DLG2: variants seen among roughly 807,000 people sequenced by gnomAD.
DLG2 encodes disks large homolog 2.
In DLG2, 45 loss-of-function variants were observed where a neutral mutation model predicts 132.5. The ratio of observed to expected loss-of-function variants is 0.34; its 90% CI spans 0.27 to 0.44. The LOEUF is 0.44. Ranked by LOEUF, DLG2 falls within the 20% of genes least tolerant of loss-of-function variation. The pLI, the probability that DLG2 is intolerant of heterozygous loss-of-function variation, is 1.00. For missense variants in DLG2, 1,045 were observed against 1,196.9 expected (o/e 0.87, Z 1.87); for synonymous variants, 424 against 419.6 (o/e 1.01, Z -0.13).
intron 18 of DLG2, among the ~76,000 whole-genome samples, chr11:83,641,849 C>G (rs2066596841): frequency 6.9e-6 from 1 of 145,874 alleles, no homozygotes; most frequent in African/African-American, 2.6e-5. Flanking sequence ...GCTTACAAAT[C>G]CAAGAGAGAG....
At chr11:84,656,612 C>T (rs1363147183) in intron 6 of DLG2, among the ~76,000 whole-genome samples, 4 of 152,086 alleles carry the variant, frequency 2.6e-5, no homozygotes, top group Non-Finnish European at 4.4e-5. Flanking sequence ...GTCCCATTTC[C>T]TTAATTGTGA....
At chr11:85,554,352 A>G (rs1175776736) in intron 3 of DLG2, among the ~76,000 whole-genome samples, 1 of 151,932 alleles carries the variant, frequency 6.6e-6, no homozygotes, top group East Asian at 1.9e-4. Flanking sequence ...AGAAGATAAT[A>G]TTATGAACTA....
chr11:84,993,725 A>G (rs2057368816), intron 6 of DLG2, among the ~76,000 whole-genome samples: 1 of 152,160 alleles, frequency 6.6e-6, no homozygotes, highest in Non-Finnish European at 1.5e-5. Context: ...AACTTTTGTT[A>G]ATTAGTCTTA....
chr11:83,480,458 G>C, intron 22 of DLG2: 1 of 1,523,646 alleles, frequency 6.6e-7, no homozygotes, highest in Non-Finnish European at 8.8e-7. Flanking sequence ...AAGCATTGAA[G>C]AGCAGCCAGA....
intron 7 of DLG2, among the ~76,000 whole-genome samples, chr11:84,508,484 C>T (rs2099248422): frequency 6.6e-6 from 1 of 150,812 alleles, no homozygotes; most frequent in South Asian, 2.1e-4. Context: ...CTCACTGCAA[C>T]CTCCGTCTCC....
At chr11:85,053,950 C>T (rs1280466431) in intron 6 of DLG2, among the ~76,000 whole-genome samples, 1 of 151,788 alleles carries the variant, frequency 6.6e-6, no homozygotes, top group Non-Finnish European at 1.5e-5. Context: ...TGAAAAAATT[C>T]TCTACATCAG....
chr11:84,073,631 T>C (rs970477314), intron 10 of DLG2, among the ~76,000 whole-genome samples: 4 of 152,306 alleles, frequency 2.6e-5, no homozygotes, highest in East Asian at 3.9e-4. Flanking sequence ...ACAAAGCTAG[T>C]TCTACTTAAG....
intron 9 of DLG2, among the ~76,000 whole-genome samples, chr11:84,135,540 T>G (rs561239559): frequency 6.6e-6 from 1 of 152,114 alleles, no homozygotes; most frequent in African/African-American, 2.4e-5. Context: ...GGACATAATA[T>G]CAAGTTCACA....
intron 6 of DLG2, among the ~76,000 whole-genome samples, chr11:84,842,112 A>G (rs925199030): frequency 6.6e-6 from 1 of 151,990 alleles, no homozygotes; most frequent in Non-Finnish European, 1.5e-5. Flanking sequence ...TCCTTTACCT[A>G]TCAATCTTGC....
chr11:83,844,211 T>C (rs991520516), intron 16 of DLG2, among the ~76,000 whole-genome samples: 1 of 151,964 alleles, frequency 6.6e-6, no homozygotes, highest in Non-Finnish European at 1.5e-5. Context: ...ATATCCAGGA[T>C]ACATATCTAT....
At chr11:85,510,252 C>T (rs1048727222) in intron 3 of DLG2, among the ~76,000 whole-genome samples, 2 of 151,952 alleles carry the variant, frequency 1.3e-5, no homozygotes, top group East Asian at 1.9e-4. Flanking sequence ...AGGCAGAAGT[C>T]ATACCAGGAA....
Position 84,955,030 on chromosome 11 carries a change from G to A in DLG2, c.357+156631C>T, listed in dbSNP as rs1445123479. On this transcript the variant is annotated intron_variant, in intron 6 of 27. Coordinates refer to ENST00000376104, the MANE Select transcript of DLG2 (RefSeq NM_001142699.3). The stretch of plus-strand genomic sequence containing the variant: ...CCCTTGAAGCATGACAACAATCACA[G>A]ATAATATGTAAATGATACAAATTAC... Among the ~76,000 whole-genome samples the A allele has an allele frequency of 4.6e-5, 7 of 152,106 alleles. No homozygotes were observed. The East Asian group carries it at 1.3e-3, about 29-fold the overall frequency.
chr11:83,946,775 G>A (rs954155866), intron 14 of DLG2, among the ~76,000 whole-genome samples: 1 of 152,032 alleles, frequency 6.6e-6, no homozygotes. Context: ...AAAAATTTTT[G>A]TTAGCAGAAT....
At chr11:85,026,563 C>A (rs372091201) in intron 6 of DLG2, among the ~76,000 whole-genome samples, 1 of 152,032 alleles carries the variant, frequency 6.6e-6, no homozygotes. Context: ...TTCGGCCGGG[C>A]GCGGTAGCTC....
At chr11:84,487,910 C>T (rs1383429530) in intron 7 of DLG2, among the ~76,000 whole-genome samples, 3 of 152,074 alleles carry the variant, frequency 2.0e-5, no homozygotes, top group Non-Finnish European at 4.4e-5. Flanking sequence ...AAGGAAAAAG[C>T]ACCTAATGTA....
At chr11:84,242,794 C>T (rs2097249716) in intron 8 of DLG2, among the ~76,000 whole-genome samples, 1 of 152,098 alleles carries the variant, frequency 6.6e-6, no homozygotes, top group South Asian at 2.1e-4. Flanking sequence ...CATTTGCCTC[C>T]ATGTGTATCA....
intron 16 of DLG2, among the ~76,000 whole-genome samples, chr11:83,841,194 C>T (rs1473608829): frequency 6.6e-6 from 1 of 152,164 alleles, no homozygotes; most frequent in African/African-American, 2.4e-5. Context: ...ATACCTAATA[C>T]TCATAGAACA....
At chr11:85,511,603 A>AAGGG (rs1321430240) in intron 3 of DLG2, among the ~76,000 whole-genome samples, 2 of 152,088 alleles carry the variant, frequency 1.3e-5, no homozygotes, top group Non-Finnish European at 2.9e-5. Flanking sequence ...AATGCAATAC[A>AAGGG]AGGGACTATG....
chr11:83,542,299 T>C (rs7122326), intron 19 of DLG2, among the ~76,000 whole-genome samples: 3,314 of 152,270 alleles, frequency 0.022, 120 homozygotes, highest in African/African-American at 0.073. Flanking sequence ...CTCAGATGTA[T>C]CAGCCTGTAG....
Sources: gnomAD v4.1 joint callset for allele counts (sites outside exome capture counted in the v4.1 genomes callset) on GRCh38, gnomAD v4.1.1 for gene constraint, MANE v1.5 for transcripts, NCBI Gene and HGNC (gene_info 2026-07-23, HGNC 2026-07-21) for gene names.